DPP10: variants seen among roughly 807,000 people sequenced by gnomAD.
DPP10 encodes dipeptidyl peptidase like 10.
DPP10 carries 33 observed loss-of-function variants against 120.9 expected under a neutral mutation model. The ratio of observed to expected loss-of-function variants is 0.27; its 90% CI spans 0.21 to 0.37. The LOEUF (loss-of-function observed/expected upper bound fraction) is 0.37, where lower values mean the gene tolerates loss of function less well. Ranked by LOEUF, DPP10 falls within the 10% of genes least tolerant of loss-of-function variation. DPP10 has a pLI of 1.00. For synonymous variants in DPP10, 337 were observed against 326.1 expected, an observed-to-expected ratio of 1.03 and a Z score of -0.36; for missense variants, 816 against 942.8, an observed-to-expected ratio of 0.87 and a Z score of 1.76.
intron 1 of DPP10, among the ~76,000 whole-genome samples, chr2:114,726,604 G>GT (rs1702066953): frequency 2.0e-5 from 3 of 151,972 alleles, no homozygotes; most frequent in Non-Finnish European, 4.4e-5. Context: ...TCACTTTGCT[G>GT]TTTTTTTCTC....
chr2:114,515,808 CT>C (rs35011383), intron 1 of DPP10, among the ~76,000 whole-genome samples: 54,393 of 148,452 alleles, frequency 0.37, 10,345 homozygotes, highest in Non-Finnish European at 0.44. Context: ...TCATATCAAC[CT>C]TTTTTTTTTT....
chr2:115,569,554 T>G (rs2081220080), intron 5 of DPP10, among the ~76,000 whole-genome samples: 1 of 152,212 alleles, frequency 6.6e-6, no homozygotes, highest in Admixed American at 6.5e-5. Flanking sequence ...TTTTAAACTA[T>G]CCTTAGATTG....
intron 1 of DPP10, among the ~76,000 whole-genome samples, chr2:115,008,107 C>G: frequency 7.1e-6 from 1 of 140,016 alleles, no homozygotes; most frequent in East Asian, 2.0e-4. Context: ...CAAAAAAGAG[C>G]CCGCATCACC....
chr2:115,319,754 A>C (rs992729939), intron 2 of DPP10, among the ~76,000 whole-genome samples: 1 of 152,152 alleles, frequency 6.6e-6, no homozygotes, highest in Admixed American at 6.5e-5. Context: ...AAAGTCCAAG[A>C]TCAAGGTTCT....
chr2:115,159,726 G>C (rs181779615), intron 1 of DPP10, among the ~76,000 whole-genome samples: 1 of 151,956 alleles, frequency 6.6e-6, no homozygotes, highest in Non-Finnish European at 1.5e-5. Flanking sequence ...AAAAATTCAC[G>C]CACACATACA....
rs529614606 is a variant in DPP10 at position 115,290,773 on chromosome 2, C to G, written c.61-18466C>G. Among the ~76,000 whole-genome samples, 10 of 152,220 alleles carry G rather than the reference C, an allele frequency of 6.6e-5. No homozygotes were observed. In the South Asian group the frequency reaches 1.7e-3, roughly 25 times the overall value. The stretch of plus-strand genomic sequence containing the variant: ...TGGTGCATCAATAATCATGCACTTG[C>G]AACAAGATTGTCTCTGACTTCTCTA... On this transcript the variant is annotated intron_variant, in intron 1 of 25. Coordinates refer to ENST00000410059, the MANE Select transcript of DPP10 (RefSeq NM_020868.6).
intron 1 of DPP10, among the ~76,000 whole-genome samples, chr2:114,495,901 G>C (rs1051180132): frequency 6.6e-6 from 1 of 152,152 alleles, no homozygotes; most frequent in African/African-American, 2.4e-5. Flanking sequence ...CACACACACA[G>C]AAATTTTTAC....
At chr2:115,580,189 C>G (rs549438273) in intron 5 of DPP10, 2 of 152,156 alleles carry the variant, frequency 1.3e-5, no homozygotes, top group Non-Finnish European at 2.9e-5. Flanking sequence ...AATTTTTTAA[C>G]CATTAGTGCC....
chr2:115,572,309 T>C lies in DPP10; in HGVS notation c.441+46337T>C, dbSNP rs189196086. Among the ~76,000 whole-genome samples the C allele has an allele frequency of 8.5e-5, 13 of 152,316 alleles. No individual in the cohort carries two copies. In the East Asian group the frequency reaches 2.3e-3, roughly 27 times the overall value. ...TTCATTTTCTAAACTTACGTCTTTT[T>C]TTCTTCTGATGCATCCTTTCCACTC... is the stretch of plus-strand genomic sequence containing the variant. On this transcript the variant is annotated intron_variant, in intron 5 of 25. Coordinates refer to ENST00000410059, the MANE Select transcript of DPP10 (RefSeq NM_020868.6).
At position 115,524,420 on chromosome 2, in the gene DPP10, A is replaced by G. The variant is rs183240561; in HGVS notation, c.367-1478A>G. On this transcript the variant is annotated intron_variant, in intron 4 of 25. Transcript: ENST00000410059. ...GCTAGATGAAGAGATATATGGGGTG[A>G]TGTCTGAAGGGGTCCCCAGCACAGG... 8.5e-4 allele frequency among the ~76,000 whole-genome samples: 130 copies of G among 152,244 alleles called. No homozygotes were observed. The Middle Eastern group carries it at 0.014, about 16-fold the overall frequency.
At chr2:115,416,017 T>C (rs939186594) in intron 3 of DPP10, among the ~76,000 whole-genome samples, 1 of 151,806 alleles carries the variant, frequency 6.6e-6, no homozygotes, top group Non-Finnish European at 1.5e-5. Flanking sequence ...GTACACAAAT[T>C]TGAAAGCAAA....
At chr2:114,997,024 T>C (rs1033931114) in intron 1 of DPP10, among the ~76,000 whole-genome samples, 4 of 151,528 alleles carry the variant, frequency 2.6e-5, no homozygotes, top group African/African-American at 9.7e-5. Flanking sequence ...ATGTCTTAGT[T>C]AACAAATTTT....
rs376950712 is a variant in DPP10 at position 115,195,299 on chromosome 2, G to T, written c.61-113940G>T. ...GGTGTTAGGAGTAAATGTTGTTTAT[G>T]TTTAAGCATGATAATATAACCATAC... On this transcript the variant is annotated intron_variant, in intron 1 of 25. Transcript: ENST00000410059. Among the ~76,000 whole-genome samples the T allele has an allele frequency of 5.3e-5, 8 of 152,202 alleles. No individual in the cohort carries two copies. In the East Asian group the frequency reaches 1.2e-3, roughly 22 times the overall value.
intron 1 of DPP10, among the ~76,000 whole-genome samples, chr2:114,552,279 C>T (rs1009555931): frequency 1.3e-5 from 2 of 152,154 alleles, no homozygotes; most frequent in African/African-American, 2.4e-5. Flanking sequence ...GCAATTAATA[C>T]GATGCTAAGG....
chr2:115,593,869 G>A (rs116324871), intron 5 of DPP10, among the ~76,000 whole-genome samples: 10 of 152,266 alleles, frequency 6.6e-5, no homozygotes, highest in Admixed American at 2.0e-4. Context: ...GCTTTTAGAC[G>A]TTGGCTTTGC....
At chr2:115,408,373 G>A (rs2068689160) in intron 3 of DPP10, among the ~76,000 whole-genome samples, 1 of 152,082 alleles carries the variant, frequency 6.6e-6, no homozygotes, top group Non-Finnish European at 1.5e-5. Flanking sequence ...TCTGGGATGG[G>A]CAGCCCAGTT....
At chr2:114,874,443 C>T (rs1475276657) in intron 1 of DPP10, among the ~76,000 whole-genome samples, 1 of 152,004 alleles carries the variant, frequency 6.6e-6, no homozygotes, top group African/African-American at 2.4e-5. Context: ...TCTGCAGTGA[C>T]AGCAACCAAA....
At chr2:115,127,522 T>C (rs1163509580) in intron 1 of DPP10, among the ~76,000 whole-genome samples, 1 of 152,200 alleles carries the variant, frequency 6.6e-6, no homozygotes, top group Non-Finnish European at 1.5e-5. Context: ...ATATTAGAGT[T>C]GAAAATATAT....
At chr2:115,245,138 T>A (rs1254575624) in intron 1 of DPP10, among the ~76,000 whole-genome samples, 1 of 152,086 alleles carries the variant, frequency 6.6e-6, no homozygotes, top group Non-Finnish European at 1.5e-5. Flanking sequence ...AATAATGATC[T>A]CCAACTCCAT....
Sources: allele counts gnomAD v4.1 joint callset (sites outside exome capture counted in the v4.1 genomes callset), GRCh38; gene constraint gnomAD v4.1.1; transcripts MANE v1.5; gene names NCBI Gene and HGNC (gene_info 2026-07-23, HGNC 2026-07-21).